Variants in BMPR2 observed in about 807,000 individuals in gnomAD.
BMPR2 encodes bone morphogenetic protein receptor type-2.
In BMPR2, 29 loss-of-function variants were observed where a neutral mutation model predicts 100.8. That is an observed-to-expected ratio of 0.29 (90% CI 0.21 to 0.39). The LOEUF (loss-of-function observed/expected upper bound fraction) is 0.39. BMPR2 is among the 10% of genes least tolerant of loss of function. BMPR2 has a pLI of 1.00. For synonymous variants in BMPR2, 382 were observed against 442.3 expected (o/e 0.86, Z 1.71); for missense variants, 1,011 against 1,274.5 (o/e 0.79, Z 3.15).
chr2:202,384,781 C>T lies in BMPR2; in HGVS notation c.76+7231C>T, dbSNP rs145277263. 2.1e-3 allele frequency among the ~76,000 whole-genome samples: 312 copies of T among 151,846 alleles called. 2 individuals carry two copies. Among genetic ancestry groups the T allele is most frequent in the African/African-American group, 6.8e-3 (281 of 41,372 alleles). ...GCTAATTTTGTATTTGTAGTAGAGA[C>T]GGGGTTTCTCCATGCTGGTCAGGCT... On this transcript the variant is annotated intron_variant, in intron 1 of 12. Transcript: ENST00000374580.
chr2:202,491,068 T>G (rs1692891133), intron 3 of BMPR2, among the ~76,000 whole-genome samples: 1 of 151,940 alleles, frequency 6.6e-6, no homozygotes, highest in African/African-American at 2.4e-5. Context: ...ATTACAGGCA[T>G]GCACCACTAT....
intron 1 of BMPR2, among the ~76,000 whole-genome samples, chr2:202,396,577 T>C (rs1157156838): frequency 6.6e-6 from 1 of 152,028 alleles, no homozygotes; most frequent in East Asian, 1.9e-4. Flanking sequence ...TGCAAAAAAG[T>C]CAGGTAAGAG....
At chr2:202,394,439 T>G (rs972338978) in intron 1 of BMPR2, among the ~76,000 whole-genome samples, 2 of 152,056 alleles carry the variant, frequency 1.3e-5, no homozygotes, top group African/African-American at 4.8e-5. Flanking sequence ...TATTAGATGC[T>G]TACTAGAAGT....
chr2:202,477,051 C>T (rs1692565734), intron 3 of BMPR2, among the ~76,000 whole-genome samples: 1 of 151,746 alleles, frequency 6.6e-6, no homozygotes, highest in African/African-American at 2.4e-5. Flanking sequence ...GGTCATCAGT[C>T]GTAGTGCCTG....
chr2:202,530,290 G>A (rs1435248718), intron 7 of BMPR2, among the ~76,000 whole-genome samples: 1 of 152,200 alleles, frequency 6.6e-6, no homozygotes, highest in Non-Finnish European at 1.5e-5. Flanking sequence ...GGTTAGATTT[G>A]AAAAGCTGAG....
At chr2:202,535,287 A>T (rs1688125356) in intron 9 of BMPR2, among the ~76,000 whole-genome samples, 1 of 151,356 alleles carries the variant, frequency 6.6e-6, no homozygotes, top group Non-Finnish European at 1.5e-5. Flanking sequence ...CACTTCTCAG[A>T]CGGGGCGGCT....
At chr2:202,441,540 TAAAAA>T (rs1217647720) in intron 1 of BMPR2, among the ~76,000 whole-genome samples, 1 of 127,946 alleles carries the variant, frequency 7.8e-6, no homozygotes, top group African/African-American at 3.1e-5. Flanking sequence ...CCGTCTCTAC[TAAAAA>T]AAAAAAACAA....
chr2:202,388,787 CAA>C (rs1172001860), intron 1 of BMPR2, among the ~76,000 whole-genome samples: 5 of 90,710 alleles, frequency 5.5e-5, no homozygotes, highest in Non-Finnish European at 6.7e-5. Context: ...GATTCAGTCT[CAA>C]AAAAAAAAAA....
rs563939842 is a variant in BMPR2 at position 202,536,711 on chromosome 2, A to G, written c.1276+3979A>G. On this transcript the variant is annotated intron_variant, in intron 9 of 12. Coordinates refer to ENST00000374580, the MANE Select transcript of BMPR2 (RefSeq NM_001204.7). ...AACATGGTGAAACCCTGTCTCTACT[A>G]AAAATACAAAATTAGCTGGATGTGG... Among the ~76,000 whole-genome samples the G allele has an allele frequency of 5.3e-5, 8 of 151,892 alleles. No homozygotes were observed. The East Asian group carries it at 9.9e-4, about 19-fold the overall frequency.
At chr2:202,501,006 G>C (rs937693643) in intron 3 of BMPR2, among the ~76,000 whole-genome samples, 1 of 152,150 alleles carries the variant, frequency 6.6e-6, no homozygotes, top group African/African-American at 2.4e-5. Flanking sequence ...CACTTCTCAA[G>C]TCCAGGCACT....
intron 3 of BMPR2, among the ~76,000 whole-genome samples, chr2:202,487,000 A>G (rs1692791626): frequency 6.6e-6 from 1 of 152,202 alleles, no homozygotes; most frequent in Non-Finnish European, 1.5e-5. Flanking sequence ...CATGGGTCTT[A>G]TATTTTGAAA....
intron 10 of BMPR2, among the ~76,000 whole-genome samples, chr2:202,551,360 C>CAAA (rs1256597587): frequency 1.0e-5 from 1 of 95,398 alleles, no homozygotes; most frequent in Non-Finnish European, 2.2e-5. Flanking sequence ...ACTAAAGATA[C>CAAA]AAAAAAAAAA....
At chr2:202,558,705 C>T (rs1399320593) in intron 12 of BMPR2, among the ~76,000 whole-genome samples, 1 of 150,182 alleles carries the variant, frequency 6.7e-6, no homozygotes, top group African/African-American at 2.4e-5. Context: ...ACCAACCTGA[C>T]CAACATGGAG....
intron 10 of BMPR2, among the ~76,000 whole-genome samples, chr2:202,549,899 A>G (rs948062135): frequency 6.6e-6 from 1 of 152,020 alleles, no homozygotes; most frequent in Non-Finnish European, 1.5e-5. Context: ...AATTTTAAAC[A>G]TTCTTTTTTG....
chr2:202,541,416 G>A (rs1688270127), intron 9 of BMPR2, among the ~76,000 whole-genome samples: 2 of 152,124 alleles, frequency 1.3e-5, no homozygotes, highest in South Asian at 4.1e-4. Context: ...GCAACAAAGT[G>A]AGAGCGTTTC....
intron 1 of BMPR2, among the ~76,000 whole-genome samples, chr2:202,450,411 G>T (rs1259178661): frequency 6.6e-6 from 1 of 152,124 alleles, no homozygotes; most frequent in African/African-American, 2.4e-5. Context: ...TTCACCATGG[G>T]CTGGGCGAGG....
intron 1 of BMPR2, among the ~76,000 whole-genome samples, chr2:202,442,297 TA>T (rs1267614920): frequency 6.6e-6 from 1 of 150,588 alleles, no homozygotes; most frequent in Non-Finnish European, 1.5e-5. Context: ...TGTAGGTAAG[TA>T]CTAGTTTACT....
intron 1 of BMPR2, among the ~76,000 whole-genome samples, chr2:202,449,719 G>C (rs1286097907): frequency 1.3e-5 from 2 of 152,154 alleles, no homozygotes; most frequent in Non-Finnish European, 2.9e-5. Flanking sequence ...GGAACTGATG[G>C]AAGTTTACAC....
chr2:202,479,720 T>C (rs1335589754), intron 3 of BMPR2, among the ~76,000 whole-genome samples: 2 of 152,132 alleles, frequency 1.3e-5, no homozygotes, highest in Non-Finnish European at 2.9e-5. Flanking sequence ...CAACTTTCAA[T>C]TATTTTCTTT....
Sources: allele counts gnomAD v4.1 joint callset (sites outside exome capture counted in the v4.1 genomes callset), GRCh38; gene constraint gnomAD v4.1.1; transcripts MANE v1.5; gene names NCBI Gene and HGNC (gene_info 2026-07-23, HGNC 2026-07-21).